Variants in SIK3 observed in about 807,000 individuals in gnomAD.
The protein encoded by SIK3 is serine/threonine-protein kinase SIK3.
SIK3 carries 28 observed loss-of-function variants against 144.2 expected under a neutral mutation model. That is an observed-to-expected ratio of 0.19 (90% confidence interval 0.14 to 0.27). The LOEUF (loss-of-function observed/expected upper bound fraction) is 0.27. Ranked by LOEUF, SIK3 falls within the 10% of genes least tolerant of loss-of-function variation. The pLI is 1.00. For synonymous variants in SIK3, 686 were observed against 676.3 expected, an observed-to-expected ratio of 1.01 and a Z score of -0.22; for missense variants, 1,319 against 1,776.0, an observed-to-expected ratio of 0.74 and a Z score of 4.62.
rs535387931 is a variant in SIK3, at chr11:116,958,851, T to C, written c.274-1787A>G. ...CAAGACCTTAACTCCACAACTGGTCTAGCATCTGCTCCTGCTTCTCTCAGG... is the reference window on the plus strand; with the variant it reads ...CAAGACCTTAACTCCACAACTGGTCCAGCATCTGCTCCTGCTTCTCTCAGG... On this transcript the variant is annotated intron_variant, in intron 1 of 24. Transcript: ENST00000445177. Among the ~76,000 whole-genome samples the C allele has an allele frequency of 3.9e-5, 6 of 152,310 alleles. No homozygotes were observed. The South Asian group carries it at 1.2e-3, about 32-fold the overall frequency.
At chr11:116,954,677 G>C (rs1949074773) in intron 2 of SIK3, among the ~76,000 whole-genome samples, 1 of 152,000 alleles carries the variant, frequency 6.6e-6, no homozygotes, top group African/African-American at 2.4e-5. Context: ...TTTGTGTTTT[G>C]TCTTGGTCCC....
chr11:116,898,922 G>C (rs1342986059), intron 4 of SIK3, among the ~76,000 whole-genome samples: 1 of 142,088 alleles, frequency 7.0e-6, no homozygotes, highest in Non-Finnish European at 1.5e-5. Flanking sequence ...TTTGTAGGTT[G>C]CCTGTTCACT....
intron 1 of SIK3, among the ~76,000 whole-genome samples, chr11:117,028,930 ATTTTGT>A (rs1340627716): frequency 1.3e-5 from 2 of 151,852 alleles, no homozygotes; most frequent in Non-Finnish European, 2.9e-5. Context: ...CATTTTGTAT[ATTTTGT>A]TTTTGAGATT....
chr11:116,947,558 TG>T (rs1948724905), intron 3 of SIK3, among the ~76,000 whole-genome samples: 9 of 66,582 alleles, frequency 1.4e-4, no homozygotes, highest in South Asian at 3.4e-4. Context: ...TATGTATGTA[TG>T]TATGTATGTA....
At chr11:116,883,037 A>G (rs1944624684) in intron 6 of SIK3, among the ~76,000 whole-genome samples, 1 of 152,230 alleles carries the variant, frequency 6.6e-6, no homozygotes, top group South Asian at 2.1e-4. Context: ...ATGCTATGCA[A>G]TACACTGCTT....
chr11:116,866,254 A>G (rs568148456), intron 15 of SIK3, among the ~76,000 whole-genome samples: 33 of 152,276 alleles, frequency 2.2e-4, no homozygotes, highest in African/African-American at 2.2e-4. Context: ...GACTTCAGCT[A>G]AACAACAGAC....
At chr11:116,903,222 T>G (rs1945828976) in intron 4 of SIK3, among the ~76,000 whole-genome samples, 1 of 152,244 alleles carries the variant, frequency 6.6e-6, no homozygotes, top group Non-Finnish European at 1.5e-5. Context: ...TACCTCCTCT[T>G]CATTCTCTTA....
At chr11:116,900,677 T>G (rs1945685234) in intron 4 of SIK3, among the ~76,000 whole-genome samples, 1 of 152,138 alleles carries the variant, frequency 6.6e-6, no homozygotes, top group Admixed American at 6.6e-5. Flanking sequence ...TTTTCCTTTC[T>G]TTTCCATCTT....
intron 1 of SIK3, among the ~76,000 whole-genome samples, chr11:117,094,443 A>C (rs917215684): frequency 2.6e-5 from 4 of 151,934 alleles, no homozygotes; most frequent in African/African-American, 9.7e-5. Flanking sequence ...CCATCTCTAC[A>C]AAAAAAATTT....
At chr11:116,944,249 T>A (rs1211614782) in intron 3 of SIK3, among the ~76,000 whole-genome samples, 1 of 152,138 alleles carries the variant, frequency 6.6e-6, no homozygotes, top group Non-Finnish European at 1.5e-5. Context: ...GTCTCTGGGT[T>A]CTTGGAATGT....
In SIK3 at chr11:116,849,379, A is replaced by G. The variant is rs1942251408; in HGVS notation, c.3656-96T>C. 1 of 1,420,164 alleles carries G rather than the reference A, an allele frequency of 7.0e-7. No homozygotes were observed. Among genetic ancestry groups the G allele is most frequent in the African/African-American group, 1.4e-5 (1 of 71,238 alleles). 88.0% of individuals were successfully genotyped at this position (1,420,164 alleles called of 1,614,324 possible). ...AATGTCTTGCAAGGGACAATGGGCA[A>G]GGCTGAGGAGATCATGTACACCAAC... On this transcript the variant is annotated intron_variant, in intron 21 of 24. Coordinates refer to ENST00000445177, the MANE Select transcript of SIK3 (RefSeq NM_001366686.3). The surrounding 1 kb of genome is among the most constrained non-coding windows in gnomAD (Gnocchi z 4.2).
At chr11:116,848,746 T>C (rs1389195395) in intron 22 of SIK3, among the ~76,000 whole-genome samples, 1 of 152,198 alleles carries the variant, frequency 6.6e-6, no homozygotes, top group African/African-American at 2.4e-5. Flanking sequence ...GCGAATTGCC[T>C]GAGCTCAGGA....
chr11:116,923,286 T>C (rs1349038964), intron 4 of SIK3, among the ~76,000 whole-genome samples: 1 of 152,192 alleles, frequency 6.6e-6, no homozygotes, highest in African/African-American at 2.4e-5. Context: ...TATATAGTAG[T>C]TTCTTCTTAC....
Position 117,054,353 on chromosome 11 carries a change from C to G in SIK3, c.273+43790G>C, listed in dbSNP as rs986965016. 6.6e-5 allele frequency among the ~76,000 whole-genome samples: 10 copies of G among 152,284 alleles called. No individual in the cohort carries two copies. The East Asian group carries it at 1.7e-3, about 26-fold the overall frequency. On this transcript the variant is annotated intron_variant, in intron 1 of 24. Transcript: ENST00000445177. ...GTGCAGTCACAGAACAGTCAGTAGT[C>G]TGCATATACTGTAGGACCCATGGGT... is the stretch of plus-strand genomic sequence containing the variant.
intron 6 of SIK3, among the ~76,000 whole-genome samples, chr11:116,883,611 T>C (rs962884097): frequency 6.6e-5 from 10 of 152,208 alleles, no homozygotes. Context: ...TATTTAAAAA[T>C]GTAAACAAAT....
Position 116,938,614 on chromosome 11 carries a change from AGG to A in SIK3, c.455-11236_455-11235del, listed in dbSNP as rs1264685999. ...AGGAGAGGGGAGGAGAGGAGAGGAG[AGG>A]GGAGGGGAGGAGAGGAGAGGAGAGG... On this transcript the variant is annotated intron_variant, in intron 3 of 24. Coordinates refer to ENST00000445177, the MANE Select transcript of SIK3 (RefSeq NM_001366686.3). Among the ~76,000 whole-genome samples the A allele has an allele frequency of 1.6e-3, 68 of 42,906 alleles. 1 individual carries two copies. Among genetic ancestry groups the A allele is most frequent in the African/African-American group, 8.1e-3 (57 of 7,058 alleles). 28.1% of individuals were successfully genotyped at this position (42,906 alleles called of 152,430 possible).
chr11:117,081,153 A>C (rs1954766764), intron 1 of SIK3, among the ~76,000 whole-genome samples: 1 of 152,000 alleles, frequency 6.6e-6, no homozygotes, highest in Non-Finnish European at 1.5e-5. Context: ...TCCCTTTTTT[A>C]ATTAAAAAAA....
At chr11:116,975,215 C>G (rs1949904665) in intron 1 of SIK3, among the ~76,000 whole-genome samples, 1 of 140,098 alleles carries the variant, frequency 7.1e-6, no homozygotes, top group South Asian at 2.4e-4. Context: ...TTGAGATATT[C>G]ACATACCATG....
intron 13 of SIK3, among the ~76,000 whole-genome samples, chr11:116,872,683 A>C (rs1255205703): frequency 1.3e-5 from 2 of 152,260 alleles, no homozygotes; most frequent in Admixed American, 1.3e-4. Flanking sequence ...CTCAATAAAA[A>C]ATGCCTTGTA....
Sources: gnomAD v4.1 joint callset for allele counts (sites outside exome capture counted in the v4.1 genomes callset) on GRCh38, gnomAD v4.1.1 for gene constraint, Gnocchi (gnomAD v3.1) non-coding constraint, MANE v1.5 for transcripts, NCBI Gene and HGNC (gene_info 2026-07-23, HGNC 2026-07-21) for gene names.